SBF2: variants seen among roughly 807,000 people sequenced by gnomAD.
SBF2 encodes the protein myotubularin-related protein 13.
Under a neutral mutation model 225.2 loss-of-function variants are expected in SBF2, and 112 were observed. The observed-to-expected ratio is 0.50, with a 90% CI of 0.43 to 0.58. The LOEUF (loss-of-function observed/expected upper bound fraction) is 0.58. SBF2 is among the 20% of genes least tolerant of loss of function. The pLI, the probability that SBF2 is intolerant of heterozygous loss-of-function variation, is 0.00. For missense variants in SBF2, 1,996 were observed against 2,206.2 expected (o/e 0.90, Z 1.91); for synonymous variants, 763 against 773.3 (o/e 0.99, Z 0.22).
intron 17 of SBF2, among the ~76,000 whole-genome samples, chr11:9,872,011 C>T (rs1208714108): frequency 6.6e-6 from 1 of 152,146 alleles, no homozygotes; most frequent in African/African-American, 2.4e-5. Context: ...TATAAAGATA[C>T]ATGCATGCAT....
chr11:9,960,047 T>C, intron 16 of SBF2: 1 of 260,382 alleles, frequency 3.8e-6, no homozygotes, highest in Non-Finnish European at 7.6e-6. Context: ...GTTCAGTGGC[T>C]ATTGATAGGC....
At chr11:9,903,442 A>G (rs1361627280) in intron 16 of SBF2, among the ~76,000 whole-genome samples, 1 of 152,240 alleles carries the variant, frequency 6.6e-6, no homozygotes, top group Non-Finnish European at 1.5e-5. Flanking sequence ...TTACCAGTCA[A>G]GGTATCCAAG....
chr11:10,014,794 G>T (rs1167698825), intron 6 of SBF2, among the ~76,000 whole-genome samples: 1 of 151,960 alleles, frequency 6.6e-6, no homozygotes, highest in Non-Finnish European at 1.5e-5. Flanking sequence ...AATAATACAA[G>T]AAGATACACT....
chr11:10,037,387 C>T (rs1302341332), intron 3 of SBF2, among the ~76,000 whole-genome samples: 2 of 152,094 alleles, frequency 1.3e-5, no homozygotes, highest in African/African-American at 2.4e-5. Context: ...AAGAATTAGT[C>T]TCTAGAATGC....
rs1167955689 is a variant in SBF2 at position 10,031,074 on chromosome 11, T to C, written c.376A>G (p.Arg126Gly). 6.2e-7 allele frequency: 1 copy of C among 1,613,058 alleles called. No homozygotes were observed. Among genetic ancestry groups the C allele is most frequent in the Non-Finnish European group, 8.5e-7 (1 of 1,179,366 alleles). ...FAPKSLVLVS[R>G]LYYPEIFRAC... ...CTAAAAATTTCTGGATAATATAATC[T>C]GGATACCAACACCAGGCTTTTGGGA... Residue 126 changes from arginine (R) to glycine (G), a missense_variant, in exon 4 of 40, where the codon AGA becomes GGA. Transcript: ENST00000256190.
intron 2 of SBF2, among the ~76,000 whole-genome samples, chr11:10,098,888 C>T (rs911134062): frequency 6.6e-6 from 1 of 151,518 alleles, no homozygotes; most frequent in Non-Finnish European, 1.5e-5. Flanking sequence ...GTGAGGAAAG[C>T]CTGCAGGATT....
intron 16 of SBF2, among the ~76,000 whole-genome samples, chr11:9,899,389 A>G (rs564732758): frequency 6.6e-6 from 1 of 151,074 alleles, no homozygotes; most frequent in South Asian, 2.1e-4. Flanking sequence ...ATGTAGTCCC[A>G]GCTACTTGGG....
At chr11:10,036,103 C>A (rs1949427437) in intron 3 of SBF2, among the ~76,000 whole-genome samples, 1 of 152,100 alleles carries the variant, frequency 6.6e-6, no homozygotes. Context: ...GAGTTCATGT[C>A]CTTTGTAGGG....
intron 6 of SBF2, among the ~76,000 whole-genome samples, chr11:10,024,683 T>G (rs1019669908): frequency 1.3e-5 from 2 of 152,070 alleles, no homozygotes; most frequent in Non-Finnish European, 2.9e-5. Context: ...GAATTTGGGA[T>G]GCAAGCTCCA....
chr11:9,994,353 T>C (rs892003850), intron 9 of SBF2, among the ~76,000 whole-genome samples: 3 of 151,384 alleles, frequency 2.0e-5, no homozygotes, highest in Non-Finnish European at 2.9e-5. Flanking sequence ...TGGGCGCCTG[T>C]AGTCCCAGCT....
intron 2 of SBF2, among the ~76,000 whole-genome samples, chr11:10,080,668 T>A (rs1057067332): frequency 6.6e-6 from 1 of 152,196 alleles, no homozygotes; most frequent in African/African-American, 2.4e-5. Context: ...AGATACAGAT[T>A]CGTGGAATGA....
At chr11:9,861,270 T>C (rs1020748302) in intron 17 of SBF2, among the ~76,000 whole-genome samples, 7 of 152,160 alleles carry the variant, frequency 4.6e-5, no homozygotes, top group African/African-American at 1.7e-4. Context: ...TCATAGATCA[T>C]TGCAGCCTAG....
Position 9,882,593 on chromosome 11 carries a change from A to G in SBF2, c.1929+13350T>C, listed in dbSNP as rs61492867. On this transcript the variant is annotated intron_variant, in intron 17 of 39. Transcript: ENST00000256190. ...GGAGGCCAAGGCGGGCGGATCACAA[A>G]GTCAGGAGATCGAGACCATCCTGGC... 4.1e-3 allele frequency among the ~76,000 whole-genome samples: 621 copies of G among 152,022 alleles called. 3 individuals carry two copies. Among genetic ancestry groups the G allele is most frequent in the Non-Finnish European group, 4.8e-3 (329 of 67,946 alleles).
At chr11:10,253,210 T>C (rs957839474) in intron 1 of SBF2, among the ~76,000 whole-genome samples, 1 of 151,098 alleles carries the variant, frequency 6.6e-6, no homozygotes, top group Non-Finnish European at 1.5e-5. Context: ...TAGAGCGTAG[T>C]GTTAAGGAAT....
chr11:9,968,068 G>A (rs900277378), intron 14 of SBF2, among the ~76,000 whole-genome samples: 1 of 150,354 alleles, frequency 6.7e-6, no homozygotes, highest in Non-Finnish European at 1.5e-5. Context: ...TCATGGGATC[G>A]CACATTTTAC....
chr11:9,865,215 A>G (rs925852389), intron 17 of SBF2, among the ~76,000 whole-genome samples: 3 of 152,228 alleles, frequency 2.0e-5, no homozygotes, highest in African/African-American at 7.2e-5. Context: ...TTATTCAGGT[A>G]ATGAGAATTA....
In SBF2 at chr11:9,948,343, T is replaced by G. The variant is rs561352341; in HGVS notation, c.1860+13614A>C. Reference sequence around the variant, plus strand: ...AAAAAGTTATGGAGATGTATGGTGGTGACATTTGCACAACAATATAAATAT... The same window carrying G: ...AAAAAGTTATGGAGATGTATGGTGGGGACATTTGCACAACAATATAAATAT... On this transcript the variant is annotated intron_variant, in intron 16 of 39. Transcript: ENST00000256190. Among the ~76,000 whole-genome samples the G allele has an allele frequency of 4.9e-4, 75 of 152,182 alleles. 2 individuals carry two copies. Among genetic ancestry groups the G allele is most frequent in the Middle Eastern group, 6.8e-3 (2 of 294 alleles).
intron 6 of SBF2, among the ~76,000 whole-genome samples, chr11:10,020,607 A>T (rs1948815002): frequency 6.6e-6 from 1 of 152,022 alleles, no homozygotes; most frequent in Non-Finnish European, 1.5e-5. Flanking sequence ...TTGGTCTCTC[A>T]CTCTGCCTTA....
intron 2 of SBF2, among the ~76,000 whole-genome samples, chr11:10,174,279 T>C (rs1046162264): frequency 6.6e-6 from 1 of 152,142 alleles, no homozygotes; most frequent in African/African-American, 2.4e-5. Context: ...TTTAGAAGAA[T>C]GTATAACTAG....
Sources: gnomAD v4.1 joint callset for allele counts (sites outside exome capture counted in the v4.1 genomes callset) on GRCh38, gnomAD v4.1.1 for gene constraint, MANE v1.5 for transcripts, NCBI Gene and HGNC (gene_info 2026-07-23, HGNC 2026-07-21) for gene names.